TAP2: variants seen among roughly 807,000 people sequenced by gnomAD.
TAP2 encodes transporter 2, ATP binding cassette subfamily B member, also known as antigen peptide transporter 2.
TAP2 carries 49 observed loss-of-function variants against 74.7 expected under a neutral mutation model. That is an observed-to-expected ratio of 0.66 (90% CI 0.52 to 0.83). The LOEUF is 0.83. Among genes scored for constraint, TAP2 ranks in the 40% least tolerant of loss-of-function variants. The pLI, the probability that TAP2 is intolerant of heterozygous loss-of-function variation, is 0.00. For synonymous variants in TAP2, 306 were observed against 368.4 expected (o/e 0.83, Z 1.94); for missense variants, 739 against 859.0 (o/e 0.86, Z 1.75).
In TAP2 at chr6:32,830,629, G is replaced by T. The variant is rs1769007598; in HGVS notation, c.1450C>A (p.Pro484Thr). ...CCTCTTTCAGGCACCTTGAGCACAG[G>T]CCTGTCAGGGCGATTGGGATATGCA... ...SFAYPNRPDRPVLKGLTFTLR... is the reference protein window; with the variant it reads ...SFAYPNRPDRTVLKGLTFTLR... Residue 484 changes from proline to threonine, a missense_variant, in exon 8 of 12, where the codon CCT becomes ACT. By Grantham distance (38) the Pro-to-Thr change is conservative. Coordinates refer to ENST00000374897, the MANE Select transcript of TAP2 (RefSeq NM_001290043.2). 1 of 1,613,078 alleles carries T rather than the reference G, an allele frequency of 6.2e-7. No individual in the cohort carries two copies. Among genetic ancestry groups the T allele is most frequent in the Non-Finnish European group, 8.5e-7 (1 of 1,180,042 alleles).
In TAP2 at chr6:32,835,784, G is replaced by A; in HGVS notation, c.609-11C>T. On this transcript the variant is annotated splice_polypyrimidine_tract_variant and intron_variant, in intron 3 of 11. Coordinates refer to ENST00000374897, the MANE Select transcript of TAP2 (RefSeq NM_001290043.2). The surrounding 1 kb of genome is among the most constrained non-coding windows in gnomAD (Gnocchi z 4.0). ...CCTGCAGACAGTGAGCTGTGGGGTA[G>A]GAGAATAAGAGGGGAGGGAGATGCA... 1 of 1,613,130 alleles carries A rather than the reference G, an allele frequency of 6.2e-7. No individual in the cohort carries two copies. Among genetic ancestry groups the A allele is most frequent in the Middle Eastern group, 1.6e-4 (1 of 6,062 alleles).
chr6:32,823,740 TTC>T (rs1232826263), downstream of TAP2, among the ~76,000 whole-genome samples: 3 of 152,012 alleles, frequency 2.0e-5, no homozygotes, highest in African/African-American at 7.3e-5. Context: ...AGATATTAAC[TTC>T]TGTTAAGTAT....
At chr6:32,823,990 C>A (rs922714692), downstream of TAP2, among the ~76,000 whole-genome samples, 1 of 151,310 alleles carries the variant, frequency 6.6e-6, no homozygotes, top group South Asian at 2.1e-4. Flanking sequence ...GTGTGTCTAC[C>A]TTTGTAGTCT....
rs1329788450 is a variant in TAP2, at chr6:32,828,174, C to A, written c.*732G>T. On this transcript the variant is annotated 3_prime_UTR_variant, in exon 12 of 12. Coordinates refer to ENST00000374897, the MANE Select transcript of TAP2 (RefSeq NM_001290043.2). Reference sequence around the variant, plus strand: ...TCTGTAAAATGGGGATAATAACCAACCTCATAGGGTTGGGGATAATGATTA... The same window carrying A: ...TCTGTAAAATGGGGATAATAACCAAACTCATAGGGTTGGGGATAATGATTA... 3.4e-6 allele frequency: 3 copies of A among 869,912 alleles called. No homozygotes were observed. In the South Asian group the frequency reaches 1.6e-4, roughly 47 times the overall value. 53.9% of individuals were successfully genotyped at this position (869,912 alleles called of 1,614,324 possible).
In TAP2 at chr6:32,838,205, G is replaced by C. The variant is rs770278478; in HGVS notation, c.29C>G (p.Thr10Ser). 23 of 1,587,120 alleles carry C rather than the reference G, an allele frequency of 1.4e-5. No homozygotes were observed. Among genetic ancestry groups the C allele is most frequent in the Non-Finnish European group, 2.0e-5 (23 of 1,167,912 alleles). The change falls in exon 2 of 12, where the codon ACC (threonine) becomes AGC (serine). Residue 10 changes from threonine to serine, a missense_variant. Physicochemically the swap from Thr to Ser is moderately conservative, Grantham distance 58. Transcript: ENST00000374897. MRLPDLRPW[T>S]SLLLVDAALL... Reference sequence around the variant, plus strand: ...AGCCGCGTCCACCAGCAGCAGGGAGGTCCAGGGTCTCAGGTCAGGGAGCCG... The same window carrying C: ...AGCCGCGTCCACCAGCAGCAGGGAGCTCCAGGGTCTCAGGTCAGGGAGCCG...
In TAP2 at chr6:32,826,618, T is replaced by C. The variant is rs1393408716; in HGVS notation, c.*2288A>G. 12 of 985,294 alleles carry C rather than the reference T, an allele frequency of 1.2e-5. No homozygotes were observed. Among genetic ancestry groups the C allele is most frequent in the Non-Finnish European group, 1.3e-5 (11 of 829,932 alleles). The allele number at this position is 985,294 out of a possible 1,614,324, so 61.0% of individuals were successfully genotyped here. ...ATAAAGCCTACCTGGGAGTTTCCCC[T>C]GAGATAAGAAACTTTCAGGACATCT... On this transcript the variant is annotated 3_prime_UTR_variant, in exon 12 of 12. Coordinates refer to ENST00000374897, the MANE Select transcript of TAP2 (RefSeq NM_001290043.2).
At position 32,830,705 on chromosome 6, in the gene TAP2, C is replaced by T. The variant is rs149495208; in HGVS notation, c.1374G>A (p.Thr458=). The T allele has an allele frequency of 3.5e-3, 5,572 of 1,613,042 alleles. 64 individuals carry two copies. The highest frequency in any genetic ancestry group is 0.029 in the African/African-American group (2,157 of 75,028). Residue 458 remains threonine, a synonymous_variant, in exon 8 of 12, where the codon ACG becomes ACA. Coordinates refer to ENST00000374897, the MANE Select transcript of TAP2 (RefSeq NM_001290043.2). ...CCCCCTGCAGAGTGGTGGGGGCAAG[C>T]GTGCCAGGTGAAGGCAGATTTGGCT... is the stretch of plus-strand genomic sequence containing the variant. ...DRQPNLPSPG[T]LAPTTLQGVV... is the part of the protein sequence containing the mutation.
Position 32,831,168 on chromosome 6 carries a change from C to T in TAP2, c.1273-362G>A, listed in dbSNP as rs571996051. ...ACTCACCTTTGTAGCCGTCAGAGTG[C>T]CCAGCGCAGTTCTCTACACAAAAAA... On this transcript the variant is annotated intron_variant, in intron 7 of 11. Coordinates refer to ENST00000374897, the MANE Select transcript of TAP2 (RefSeq NM_001290043.2). Among the ~76,000 whole-genome samples the T allele has an allele frequency of 4.7e-4, 72 of 152,254 alleles. No homozygotes were observed. In the South Asian group the frequency reaches 0.014, roughly 30 times the overall value.
rs2127351401 is a variant in TAP2 at position 32,828,780 on chromosome 6, T to C, written c.*126A>G. The C allele has an allele frequency of 5.6e-6, 7 of 1,256,394 alleles. No homozygotes were observed. Among genetic ancestry groups the C allele is most frequent in the South Asian group, 1.6e-5 (1 of 63,494 alleles). The allele number at this position is 1,256,394 out of a possible 1,614,324, so 77.8% of individuals were successfully genotyped here. On this transcript the variant is annotated 3_prime_UTR_variant, in exon 12 of 12. Transcript: ENST00000374897. ...GAACAGCTATCTGGCCGCACAGCTC[T>C]AGGGAAACTCAAAGCAGGAACAGCT...
chr6:32,837,661 G>A lies in TAP2; in HGVS notation c.494-10C>T, dbSNP rs765811823. 1.9e-6 allele frequency: 3 copies of A among 1,613,882 alleles called. No homozygotes were observed. In the African/African-American group the frequency reaches 4.0e-5, roughly 22 times the overall value. ...GGGATTAATGTCTCACCTGAAAGAG[G>A]CATGAAAAATAACACAAGAATGTGC... On this transcript the variant is annotated splice_polypyrimidine_tract_variant and intron_variant, in intron 2 of 11. Coordinates refer to ENST00000374897, the MANE Select transcript of TAP2 (RefSeq NM_001290043.2).
intron 7 of TAP2, among the ~76,000 whole-genome samples, chr6:32,831,734 G>A (rs1243829993): frequency 6.6e-6 from 1 of 152,090 alleles, no homozygotes; most frequent in African/African-American, 2.4e-5. Context: ...ACAGATACAT[G>A]GATTGATGGG....
Position 32,832,454 on chromosome 6 carries a change from T to G in TAP2, c.1151A>C (p.His384Pro), listed in dbSNP as rs1372715554. Residue 384 changes from histidine (H) to proline (P), a missense_variant, in exon 7 of 12, where the codon CAC (histidine) becomes CCC (proline). Physicochemically the swap from His to Pro is moderately conservative, Grantham distance 77 (BLOSUM62 -2). Transcript: ENST00000374897. The surrounding 1 kb of genome is among the most constrained non-coding windows in gnomAD (Gnocchi z 5.9). ...CAGCATCAGCATCTGCACCCCCAAG[T>G]GCAGCACCTGGAAGAGGAGAAGAAA... ...ALYLLVRRVL[H>P]LGVQMLMLSC... 6.2e-7 allele frequency: 1 copy of G among 1,612,556 alleles called. No individual in the cohort carries two copies. Among genetic ancestry groups the G allele is most frequent in the Admixed American group, 1.7e-5 (1 of 59,894 alleles).
chr6:32,830,625 A>C lies in TAP2; in HGVS notation c.1454T>G (p.Val485Gly), dbSNP rs1336869616. The change falls in exon 8 of 12, where the codon GTG becomes GGG. Residue 485 changes from valine (V) to glycine (G), a missense_variant. Val to Gly is a moderately radical substitution (Grantham distance 109, BLOSUM62 -3). Transcript: ENST00000374897. ...FAYPNRPDRP[V>G]LKGLTFTLRP... Reference sequence around the variant, plus strand: ...CCTCCCTCTTTCAGGCACCTTGAGCACAGGCCTGTCAGGGCGATTGGGATA... The same window carrying C: ...CCTCCCTCTTTCAGGCACCTTGAGCCCAGGCCTGTCAGGGCGATTGGGATA... 3 of 1,613,072 alleles carry C rather than the reference A, an allele frequency of 1.9e-6. No individual in the cohort carries two copies. The Admixed American group carries it at 5.0e-5, about 27-fold the overall frequency.
Position 32,825,896 on chromosome 6 carries a change from T to C in TAP2, c.*3010A>G, listed in dbSNP as rs570857521. The C allele has an allele frequency of 5.2e-6, 4 of 769,726 alleles. No individual in the cohort carries two copies. The African/African-American group carries it at 5.7e-5, about 11-fold the overall frequency. The allele number at this position is 769,726 out of a possible 1,614,324, so 47.7% of individuals were successfully genotyped here. Reference sequence around the variant, plus strand: ...AATTGAGATAGTAATACCTGCCACATAGAATTATCTTGAAAAATAAGGTAA... The same window carrying C: ...AATTGAGATAGTAATACCTGCCACACAGAATTATCTTGAAAAATAAGGTAA... On this transcript the variant is annotated 3_prime_UTR_variant, in exon 12 of 12. Coordinates refer to ENST00000374897, the MANE Select transcript of TAP2 (RefSeq NM_001290043.2).
At position 32,828,790 on chromosome 6, in the gene TAP2, C is replaced by A; in HGVS notation, c.*116G>T. ...CTGGCCGCACAGCTCTAGGGAAACT[C>A]AAAGCAGGAACAGCTCTGGGTCCTG... is the stretch of plus-strand genomic sequence containing the variant. On this transcript the variant is annotated 3_prime_UTR_variant, in exon 12 of 12. Coordinates refer to ENST00000374897, the MANE Select transcript of TAP2 (RefSeq NM_001290043.2). 1 of 1,347,234 alleles carries A rather than the reference C, an allele frequency of 7.4e-7. No individual in the cohort carries two copies. Among genetic ancestry groups the A allele is most frequent in the Non-Finnish European group, 9.6e-7 (1 of 1,037,620 alleles). The allele number at this position is 1,347,234 out of a possible 1,614,324, so 83.5% of individuals were successfully genotyped here.
At position 32,827,908 on chromosome 6, in the gene TAP2, A is replaced by C; in HGVS notation, c.*998T>G. ...CTGGTGATGGGATCATCTTAAGTCT[A>C]TGAGTGAAGACTATAACAACGGGAC... On this transcript the variant is annotated 3_prime_UTR_variant, in exon 12 of 12. Coordinates refer to ENST00000374897, the MANE Select transcript of TAP2 (RefSeq NM_001290043.2). 1 of 957,358 alleles carries C rather than the reference A, an allele frequency of 1.0e-6. No individual in the cohort carries two copies. The highest frequency in any genetic ancestry group is 1.2e-6 in the Non-Finnish European group (1 of 805,214). 59.3% of individuals were successfully genotyped at this position (957,358 alleles called of 1,614,324 possible). A position where few individuals can be genotyped will look rare whatever the true frequency, so the allele number is the denominator to read the frequency against.
chr6:32,835,052 A>C lies in TAP2; in HGVS notation c.945+102T>G. ...ATACCTTCTCCCCTAATGGCTGAGA[A>C]GAGAACATCTCTCTCTAGGGGATCC... On this transcript the variant is annotated intron_variant, in intron 5 of 11. Coordinates refer to ENST00000374897, the MANE Select transcript of TAP2 (RefSeq NM_001290043.2). This position sits in a 1 kb window ranked among gnomAD's most constrained non-coding sequence, Gnocchi z 4.0. The C allele has an allele frequency of 8.0e-7, 1 of 1,247,862 alleles. No homozygotes were observed. Among genetic ancestry groups the C allele is most frequent in the South Asian group, 1.3e-5 (1 of 79,690 alleles). The allele number at this position is 1,247,862 out of a possible 1,614,324, so 77.3% of individuals were successfully genotyped here.
downstream of TAP2, among the ~76,000 whole-genome samples, chr6:32,824,345 G>A (rs1456973652): frequency 6.6e-6 from 1 of 152,066 alleles, no homozygotes; most frequent in African/African-American, 2.4e-5. Flanking sequence ...TACATAAGCT[G>A]TCTTTCTGTC....
rs1260208645 is a variant in TAP2 at position 32,837,477 on chromosome 6, A to C, written c.608+60T>G. The C allele has an allele frequency of 4.3e-6, 6 of 1,399,748 alleles. No individual in the cohort carries two copies. In the Admixed American group the frequency reaches 1.1e-4, roughly 25 times the overall value. The allele number at this position is 1,399,748 out of a possible 1,614,324, so 86.7% of individuals were successfully genotyped here. A position where few individuals can be genotyped will look rare whatever the true frequency, so the allele number is the denominator to read the frequency against. On this transcript the variant is annotated intron_variant, in intron 3 of 11. Transcript: ENST00000374897. ...AAAGGGCCTAGAAATGGAGTTAGGGAAGTGAAGACCCCTATAAAGATTTGG... is the reference window on the plus strand; with the variant it reads ...AAAGGGCCTAGAAATGGAGTTAGGGCAGTGAAGACCCCTATAAAGATTTGG...
Sources: allele counts gnomAD v4.1 joint callset (sites outside exome capture counted in the v4.1 genomes callset), GRCh38; gene constraint gnomAD v4.1.1; non-coding constraint Gnocchi (gnomAD v3.1); transcripts MANE v1.5; gene names NCBI Gene and HGNC (gene_info 2026-07-23, HGNC 2026-07-21).